The following NALCN variants were observed in gnomAD, a reference collection of about 807,000 sequenced individuals.
The protein encoded by NALCN is sodium leak channel, non-selective.
In NALCN, 111 loss-of-function variants were observed where a neutral mutation model predicts 225.3. The observed-to-expected ratio is 0.49, with a 90% confidence interval of 0.42 to 0.58. NALCN has a LOEUF of 0.58. NALCN is among the 20% of genes least tolerant of loss of function. The pLI, the probability that NALCN is intolerant of heterozygous loss-of-function variation, is 0.00. For synonymous variants in NALCN, 764 were observed against 769.0 expected (o/e 0.99, Z 0.11); for missense variants, 1,378 against 2,202.4 (o/e 0.63, Z 7.49).
chr13:101,124,718 T>A (rs1199088377), intron 17 of NALCN, 37 bp from the exon 18 acceptor site: 1 of 1,529,776 alleles, frequency 6.5e-7, no homozygotes, highest in Non-Finnish European at 9.0e-7. Flanking sequence ...AGTTTTGGAA[T>A]GTTAAGAAAT....
chr13:101,199,800 A>AATAT (rs1419291719), intron 13 of NALCN, among the ~76,000 whole-genome samples: 2 of 151,622 alleles, frequency 1.3e-5, no homozygotes, highest in South Asian at 4.2e-4. Context: ...AGTATAAATA[A>AATAT]ATATATATAT....
At chr13:101,347,473 A>G (rs1317040012) in intron 6 of NALCN, among the ~76,000 whole-genome samples, 1 of 152,138 alleles carries the variant, frequency 6.6e-6, no homozygotes, top group African/African-American at 2.4e-5. Context: ...ATATCTCCCC[A>G]TTTCTCATTC....
intron 9 of NALCN, 53 bp from the exon 10 acceptor site, chr13:101,284,072 G>T (rs2043257841): frequency 2.1e-6 from 3 of 1,454,496 alleles, no homozygotes; most frequent in African/African-American, 2.8e-5. Context: ...GGAACATTGA[G>T]AACTCTATGT....
chr13:101,345,737 AATATATATATATATAT>A (rs10560892), intron 6 of NALCN, among the ~76,000 whole-genome samples: 6 of 86,670 alleles, frequency 6.9e-5, no homozygotes, highest in Admixed American at 4.6e-4. Context: ...CAGCAAAGAG[AATATATATATATATAT>A]ATATATATAT....
chr13:101,389,349 T>C (rs946675922), intron 3 of NALCN, among the ~76,000 whole-genome samples: 5 of 152,180 alleles, frequency 3.3e-5, no homozygotes, highest in African/African-American at 1.2e-4. Context: ...AAGTTGCAGG[T>C]TAATGTAAAA....
chr13:101,262,533 T>G (rs1284036575), intron 10 of NALCN, among the ~76,000 whole-genome samples: 2 of 152,184 alleles, frequency 1.3e-5, no homozygotes, highest in African/African-American at 4.8e-5. Flanking sequence ...TGAGGTTTCA[T>G]TTCTTCTGGG....
chr13:101,404,222 T>C (rs1456868058), intron 1 of NALCN, among the ~76,000 whole-genome samples: 1 of 152,138 alleles, frequency 6.6e-6, no homozygotes, highest in Non-Finnish European at 1.5e-5. Flanking sequence ...ACTACCTCCC[T>C]AGGCAAGGAA....
At chr13:101,155,060 C>T (rs1355523775) in intron 15 of NALCN, among the ~76,000 whole-genome samples, 2 of 152,122 alleles carry the variant, frequency 1.3e-5, no homozygotes, top group African/African-American at 4.8e-5. Context: ...GAGCTAATTT[C>T]TATGTTGCAT....
chr13:101,238,035 C>A (rs1030052692), intron 11 of NALCN, 113 bp from the exon 12 acceptor site: 1 of 803,042 alleles, frequency 1.2e-6, no homozygotes, highest in African/African-American at 1.8e-5. Context: ...CACTAAGGTG[C>A]CCCATAAGGT....
chr13:101,339,847 G>A (rs771342478), intron 7 of NALCN, among the ~76,000 whole-genome samples: 3 of 152,152 alleles, frequency 2.0e-5, no homozygotes, highest in Non-Finnish European at 4.4e-5. Flanking sequence ...TTTGTGAGAG[G>A]GGAGGGGAAT....
chr13:101,226,862 T>A (rs1277711522), intron 13 of NALCN, among the ~76,000 whole-genome samples: 3 of 152,192 alleles, frequency 2.0e-5, no homozygotes, highest in East Asian at 3.9e-4. Context: ...AGGGCCCAGA[T>A]GAGGCACTTT....
intron 34 of NALCN, among the ~76,000 whole-genome samples, chr13:101,079,858 T>A (rs2033509131): frequency 6.6e-6 from 1 of 152,164 alleles, no homozygotes; most frequent in Non-Finnish European, 1.5e-5. Context: ...CTCACTATGT[T>A]CATGAGCACA....
In NALCN at chr13:101,201,539, A is replaced by G. The variant is rs544087776; in HGVS notation, c.1627-9485T>C. On this transcript the variant is annotated intron_variant, in intron 13 of 43. Coordinates refer to ENST00000251127, the MANE Select transcript of NALCN (RefSeq NM_052867.4). Reference sequence around the variant, plus strand: ...TTAATGGATATACCACATTTTACCTATTTATCAGTTGATATTTGGGTTGTT... The same window carrying G: ...TTAATGGATATACCACATTTTACCTGTTTATCAGTTGATATTTGGGTTGTT... 5.9e-5 allele frequency among the ~76,000 whole-genome samples: 9 copies of G among 152,230 alleles called. No homozygotes were observed. The South Asian group carries it at 1.9e-3, about 32-fold the overall frequency.
chr13:101,066,024 A>ATGT (rs2032356168), intron 39 of NALCN, among the ~76,000 whole-genome samples: 1 of 152,142 alleles, frequency 6.6e-6, no homozygotes. Flanking sequence ...TGTTTATTAC[A>ATGT]TGTTTTTCTA....
chr13:101,098,178 A>T (rs2034620175), intron 27 of NALCN, among the ~76,000 whole-genome samples: 1 of 152,062 alleles, frequency 6.6e-6, no homozygotes, highest in Admixed American at 6.6e-5. Context: ...CTCCTCCCTG[A>T]AGCCCTCCCA....
intron 15 of NALCN, among the ~76,000 whole-genome samples, chr13:101,174,771 G>A (rs760305748): frequency 3.3e-5 from 5 of 151,956 alleles, no homozygotes; most frequent in African/African-American, 7.2e-5. Flanking sequence ...GGAACCTGGC[G>A]GTAGCACTAG....
At chr13:101,116,424 G>T in intron 18 of NALCN, 1 of 401,492 alleles carries the variant, frequency 2.5e-6, no homozygotes, top group Non-Finnish European at 4.9e-6. Flanking sequence ...TTTTAAAATT[G>T]GCCCAAAGAT....
intron 7 of NALCN, among the ~76,000 whole-genome samples, chr13:101,308,086 C>T (rs1392803509): frequency 6.6e-6 from 1 of 152,102 alleles, no homozygotes; most frequent in Non-Finnish European, 1.5e-5. Context: ...TAGTTTATAA[C>T]AATAAATTTG....
chr13:101,176,101 A>G (rs2038946585), intron 15 of NALCN, among the ~76,000 whole-genome samples, 199 bp downstream of exon 15: 1 of 152,226 alleles, frequency 6.6e-6, no homozygotes, highest in South Asian at 2.1e-4. Flanking sequence ...AACTATTCCT[A>G]GGATATTTAT....
Sources: allele counts gnomAD v4.1 joint callset (sites outside exome capture counted in the v4.1 genomes callset), GRCh38; gene constraint gnomAD v4.1.1; transcripts MANE v1.5; gene names NCBI Gene and HGNC (gene_info 2026-07-23, HGNC 2026-07-21).